The following LRP1B variants were observed in gnomAD, a reference collection of about 807,000 sequenced individuals.
The protein encoded by LRP1B is low-density lipoprotein receptor-related protein 1B.
A neutral mutation model predicts 556.6 loss-of-function variants in LRP1B; 217 were observed. The observed-to-expected ratio is 0.39, with a 90% confidence interval of 0.35 to 0.44. The LOEUF (loss-of-function observed/expected upper bound fraction) is 0.44, where lower values mean the gene tolerates loss of function less well. LRP1B is among the 20% of genes least tolerant of loss of function. The pLI, the probability that LRP1B is intolerant of heterozygous loss-of-function variation, is 1.00. For synonymous variants in LRP1B, 2,047 were observed against 1,865.8 expected, an observed-to-expected ratio of 1.10 and a Z score of -2.50; for missense variants, 5,053 against 5,620.8, an observed-to-expected ratio of 0.90 and a Z score of 3.23.
At chr2:140,377,520 GTTGT>G (rs1013349112) in intron 68 of LRP1B, among the ~76,000 whole-genome samples, 2 of 152,100 alleles carry the variant, frequency 1.3e-5, no homozygotes, top group African/African-American at 2.4e-5. Flanking sequence ...ATAATCATGT[GTTGT>G]TTATTATTTT....
At chr2:141,051,286 C>T (rs1699027943) in intron 10 of LRP1B, among the ~76,000 whole-genome samples, 1 of 152,092 alleles carries the variant, frequency 6.6e-6, no homozygotes, top group African/African-American at 2.4e-5. Flanking sequence ...GCTATATACC[C>T]AAAGGATTAT....
chr2:140,369,946 A>G (rs1682921053), intron 71 of LRP1B, among the ~76,000 whole-genome samples: 1 of 151,982 alleles, frequency 6.6e-6, no homozygotes, highest in Non-Finnish European at 1.5e-5. Context: ...AGACTTTGTA[A>G]GTAGGTCACA....
At chr2:140,506,682 G>C (rs1689429188) in intron 53 of LRP1B, 114 bp downstream of exon 53, 1 of 994,178 alleles carries the variant, frequency 1.0e-6, no homozygotes, top group African/African-American at 1.6e-5. Context: ...AATTCACTGG[G>C]TGTTGATGAC....
intron 2 of LRP1B, among the ~76,000 whole-genome samples, chr2:141,489,543 A>C (rs1415968095): frequency 1.3e-5 from 2 of 152,028 alleles, no homozygotes; most frequent in Non-Finnish European, 2.9e-5. Flanking sequence ...TGGGAAAATT[A>C]GTATATAATA....
intron 34 of LRP1B, among the ~76,000 whole-genome samples, chr2:140,770,230 A>G (rs1573694078): frequency 6.6e-6 from 1 of 151,932 alleles, no homozygotes; most frequent in Admixed American, 6.6e-5. Context: ...TGCCATGCAC[A>G]TAAGTATCAT....
chr2:140,248,766 A>G (rs1329361461), intron 86 of LRP1B, among the ~76,000 whole-genome samples: 1 of 151,500 alleles, frequency 6.6e-6, no homozygotes. Context: ...GTCCACGGGT[A>G]GTTCAAAATA....
intron 86 of LRP1B, among the ~76,000 whole-genome samples, chr2:140,250,049 T>C (rs1681338835): frequency 6.6e-6 from 1 of 151,904 alleles, no homozygotes; most frequent in African/African-American, 2.4e-5. Flanking sequence ...CTGGTCATCT[T>C]TAATCTGTAC....
intron 2 of LRP1B, among the ~76,000 whole-genome samples, chr2:141,553,033 T>C (rs1685812692): frequency 6.6e-6 from 1 of 151,814 alleles, no homozygotes; most frequent in South Asian, 2.1e-4. Context: ...ATGATAACTT[T>C]CCTTGGAAAG....
At chr2:140,569,392 C>T (rs1681241075) in intron 43 of LRP1B, among the ~76,000 whole-genome samples, 1 of 151,474 alleles carries the variant, frequency 6.6e-6, no homozygotes, top group Non-Finnish European at 1.5e-5. Flanking sequence ...CAAACAAAAC[C>T]CAAAAGTGAG....
chr2:141,121,888 T>C (rs1303960529), intron 7 of LRP1B, among the ~76,000 whole-genome samples: 1 of 152,168 alleles, frequency 6.6e-6, no homozygotes, highest in Non-Finnish European at 1.5e-5. Flanking sequence ...AGCATGGTAC[T>C]GGTACTAAAA....
chr2:142,113,869 T>C (rs2104994543), intron 1 of LRP1B, among the ~76,000 whole-genome samples: 1 of 152,228 alleles, frequency 6.6e-6, no homozygotes, highest in East Asian at 1.9e-4. Flanking sequence ...GGCCAGATAC[T>C]CAAACTTCTA....
At chr2:141,324,114 T>TCA (rs113196488) in intron 3 of LRP1B, among the ~76,000 whole-genome samples, 14,122 of 66,696 alleles carry the variant, frequency 0.21, 834 homozygotes, top group Admixed American at 0.32. Flanking sequence ...AACAAAGAAA[T>TCA]CACACACACA....
At chr2:141,621,469 G>T (rs1436623012) in intron 2 of LRP1B, among the ~76,000 whole-genome samples, 2 of 152,076 alleles carry the variant, frequency 1.3e-5, no homozygotes, top group Non-Finnish European at 2.9e-5. Flanking sequence ...GTTACATAAG[G>T]CTTGATTCAT....
chr2:140,729,922 T>G (rs1158630839), intron 35 of LRP1B, among the ~76,000 whole-genome samples: 1 of 152,210 alleles, frequency 6.6e-6, no homozygotes, highest in East Asian at 1.9e-4. Context: ...TGTCACTAAA[T>G]GAACCTATCA....
At position 141,012,369 on chromosome 2, in the gene LRP1B, A is replaced by C. The variant is rs191309471; in HGVS notation, c.2380+1187T>G. Among the ~76,000 whole-genome samples the C allele has an allele frequency of 4.1e-4, 63 of 152,202 alleles. 1 individual carries two copies. The highest frequency in any genetic ancestry group is 1.5e-3 in the African/African-American group (62 of 41,578). On this transcript the variant is annotated intron_variant, in intron 14 of 90. Transcript: ENST00000389484. Reference sequence around the variant, plus strand: ...CAATCCTGAAAAGCAGATCTTTCAGAATATGAAAAGGACTGTTTCTATTCA... The same window carrying C: ...CAATCCTGAAAAGCAGATCTTTCAGCATATGAAAAGGACTGTTTCTATTCA...
At chr2:141,049,966 C>A (rs1487006838) in intron 10 of LRP1B, among the ~76,000 whole-genome samples, 1 of 151,920 alleles carries the variant, frequency 6.6e-6, no homozygotes, top group Non-Finnish European at 1.5e-5. Flanking sequence ...AAAATGAATT[C>A]CTTATTTTAG....
chr2:141,418,712 T>C (rs1015996350), intron 3 of LRP1B, among the ~76,000 whole-genome samples: 14 of 152,102 alleles, frequency 9.2e-5, no homozygotes, highest in Admixed American at 8.5e-4. Flanking sequence ...ATTTAGGCTC[T>C]TTGGGATCCA....
chr2:140,255,701 C>G (rs186509294), intron 86 of LRP1B, among the ~76,000 whole-genome samples: 64 of 152,226 alleles, frequency 4.2e-4, no homozygotes, highest in Admixed American at 2.5e-3. Context: ...TAGTTGAATA[C>G]ATAGGAATGC....
chr2:140,682,934 T>C (rs981126325), intron 41 of LRP1B, among the ~76,000 whole-genome samples: 1 of 152,158 alleles, frequency 6.6e-6, no homozygotes. Context: ...CTTCCTTATA[T>C]CTGAATCTGA....
Sources: gnomAD v4.1 joint callset for allele counts (sites outside exome capture counted in the v4.1 genomes callset) on GRCh38, gnomAD v4.1.1 for gene constraint, MANE v1.5 for transcripts, NCBI Gene and HGNC (gene_info 2026-07-23, HGNC 2026-07-21) for gene names.